Variants in CSMD1 observed in about 807,000 individuals in gnomAD.
The protein encoded by CSMD1 is CUB and sushi domain-containing protein 1.
CSMD1 carries 213 observed loss-of-function variants against 417.5 expected under a neutral mutation model. That is an observed-to-expected ratio of 0.51 (90% confidence interval 0.46 to 0.57). The LOEUF (loss-of-function observed/expected upper bound fraction) is 0.57. CSMD1 is among the 20% of genes least tolerant of loss of function. The probability of loss-of-function intolerance (pLI) is 0.00; values close to 1 mark genes in which losing one functional copy is unlikely to be tolerated. For synonymous variants in CSMD1, 2,862 were observed against 1,736.8 expected (o/e 1.65, Z -16.11); for missense variants, 6,923 against 4,529.7 (o/e 1.53, Z -15.17).
chr8:4,462,532 C>G (rs771134898), intron 2 of CSMD1, among the ~76,000 whole-genome samples: 6 of 152,020 alleles, frequency 3.9e-5, no homozygotes, highest in Non-Finnish European at 7.4e-5. Context: ...ACTTAGAATA[C>G]TCAAAACAAT....
intron 5 of CSMD1, among the ~76,000 whole-genome samples, chr8:3,966,048 G>A (rs1812660177): frequency 2.0e-5 from 3 of 152,204 alleles, no homozygotes; most frequent in Non-Finnish European, 2.9e-5. Flanking sequence ...GTGAGAGAAT[G>A]AATGACTCTA....
chr8:2,981,734 G>A (rs1371484870), intron 54 of CSMD1, among the ~76,000 whole-genome samples: 1 of 152,160 alleles, frequency 6.6e-6, no homozygotes, highest in African/African-American at 2.4e-5. Context: ...TGTGTTCTGT[G>A]GCGAAAGCTG....
intron 49 of CSMD1, among the ~76,000 whole-genome samples, chr8:3,059,545 G>A (rs1363033790): frequency 6.6e-6 from 1 of 152,184 alleles, no homozygotes; most frequent in Admixed American, 6.5e-5. Context: ...CCAGGTGACA[G>A]GCATGTAGCT....
At chr8:4,969,636 A>T (rs951286382) in intron 1 of CSMD1, among the ~76,000 whole-genome samples, 8 of 151,898 alleles carry the variant, frequency 5.3e-5, no homozygotes, top group Non-Finnish European at 1.0e-4. Flanking sequence ...GCTTTTGAAC[A>T]TGTTGTTCAT....
chr8:4,765,880 G>A (rs1359683560), intron 1 of CSMD1, among the ~76,000 whole-genome samples: 2 of 152,164 alleles, frequency 1.3e-5, no homozygotes, highest in Admixed American at 1.3e-4. Flanking sequence ...AAGCTAATCT[G>A]TTGATTTACA....
intron 5 of CSMD1, among the ~76,000 whole-genome samples, chr8:3,912,201 T>A (rs1490959989): frequency 2.0e-5 from 3 of 152,214 alleles, no homozygotes; most frequent in African/African-American, 7.2e-5. Flanking sequence ...GAGAAATCGT[T>A]TTCTAACTCT....
At chr8:4,211,493 G>A (rs1033527146) in intron 3 of CSMD1, among the ~76,000 whole-genome samples, 5 of 152,026 alleles carry the variant, frequency 3.3e-5, no homozygotes, top group Admixed American at 2.6e-4. Context: ...AATTTCACTG[G>A]GTGTTTGAAT....
chr8:3,921,188 T>G (rs3109771), intron 5 of CSMD1, among the ~76,000 whole-genome samples: 71,055 of 151,530 alleles, frequency 0.47, 16,953 homozygotes, highest in East Asian at 0.72. Context: ...CGATTCATCT[T>G]GGTAGGTTAT....
chr8:3,825,131 C>A (rs1801979051), intron 5 of CSMD1, among the ~76,000 whole-genome samples: 1 of 152,092 alleles, frequency 6.6e-6, no homozygotes. Flanking sequence ...TGAAAGGAAG[C>A]ACAGGGGAGA....
intron 3 of CSMD1, among the ~76,000 whole-genome samples, chr8:4,295,765 TATATATATATATATATATATATAC>T (rs1375223126): frequency 1.8e-4 from 6 of 33,928 alleles, no homozygotes; most frequent in South Asian, 2.6e-3. Flanking sequence ...TATATATATA[TATATATATATATATATATATATAC>T]ACACACACAT....
At chr8:4,604,572 T>G (rs1165882644) in intron 2 of CSMD1, among the ~76,000 whole-genome samples, 4 of 152,060 alleles carry the variant, frequency 2.6e-5, no homozygotes, top group Non-Finnish European at 5.9e-5. Context: ...AATCTCTAAT[T>G]TGTCAACAGA....
rs141852147 is a variant in CSMD1 at position 3,530,956 on chromosome 8, G to A, written c.1345-37230C>T. Among the ~76,000 whole-genome samples the A allele has an allele frequency of 8.9e-3, 1,353 of 151,568 alleles. 21 individuals carry two copies. The highest frequency in any genetic ancestry group is 0.03 in the African/African-American group (1,256 of 41,292). ...CAACCTCCACCTCCCAGGTTCAAGCGATTCTCCTGCCTCAGCTTCCTGAGT... is the reference window on the plus strand; with the variant it reads ...CAACCTCCACCTCCCAGGTTCAAGCAATTCTCCTGCCTCAGCTTCCTGAGT... On this transcript the variant is annotated intron_variant, in intron 10 of 69. Transcript: ENST00000635120.
intron 7 of CSMD1, among the ~76,000 whole-genome samples, chr8:3,652,283 T>A (rs1327843890): frequency 6.6e-6 from 1 of 151,636 alleles, no homozygotes; most frequent in Non-Finnish European, 1.5e-5. Flanking sequence ...CTTACCACCA[T>A]CAGCTTACCA....
chr8:3,384,699 AT>A (rs1374902685), intron 18 of CSMD1, among the ~76,000 whole-genome samples: 4 of 112,198 alleles, frequency 3.6e-5, no homozygotes, highest in African/African-American at 1.1e-4. Flanking sequence ...ATTTATATAA[AT>A]TATATATAAA....
chr8:4,840,879 C>A (rs1193125291), intron 1 of CSMD1, among the ~76,000 whole-genome samples: 1 of 152,130 alleles, frequency 6.6e-6, no homozygotes, highest in Non-Finnish European at 1.5e-5. Context: ...TTATTAAGTG[C>A]CTAATATTTG....
intron 2 of CSMD1, among the ~76,000 whole-genome samples, chr8:4,499,429 T>G (rs995571992): frequency 1.3e-5 from 2 of 152,236 alleles, no homozygotes; most frequent in African/African-American, 4.8e-5. Flanking sequence ...TGCACACATC[T>G]GACAGACGAA....
intron 2 of CSMD1, among the ~76,000 whole-genome samples, chr8:4,522,446 T>C (rs907526820): frequency 1.3e-5 from 2 of 152,106 alleles, no homozygotes; most frequent in Admixed American, 1.3e-4. Context: ...TCACCCACAA[T>C]CAGATGAGCA....
chr8:3,554,292 G>A (rs1199676297), intron 10 of CSMD1, among the ~76,000 whole-genome samples: 1 of 152,210 alleles, frequency 6.6e-6, no homozygotes, highest in Non-Finnish European at 1.5e-5. Flanking sequence ...TATCTTAAAT[G>A]GGTCCAGACC....
At chr8:4,203,550 G>C (rs748381997) in intron 3 of CSMD1, among the ~76,000 whole-genome samples, 1 of 152,102 alleles carries the variant, frequency 6.6e-6, no homozygotes, top group South Asian at 2.1e-4. Context: ...TTAAACAGCT[G>C]GGTGTGAATT....
Sources: allele counts gnomAD v4.1 joint callset (sites outside exome capture counted in the v4.1 genomes callset), GRCh38; gene constraint gnomAD v4.1.1; transcripts MANE v1.5; gene names NCBI Gene and HGNC (gene_info 2026-07-23, HGNC 2026-07-21).